The following ACTN3 variants were observed in gnomAD, a reference collection of about 807,000 sequenced individuals.
The protein encoded by ACTN3 is alpha-actinin-3.
In ACTN3, 91 loss-of-function variants were observed where a neutral mutation model predicts 119.6. That is an observed-to-expected ratio of 0.76 (90% CI 0.64 to 0.91). The LOEUF (loss-of-function observed/expected upper bound fraction) is 0.91, where lower values mean the gene tolerates loss of function less well. ACTN3 is among the 40% of genes least tolerant of loss of function. ACTN3 has a pLI of 0.00. For missense variants in ACTN3, 1,221 were observed against 1,215.1 expected, an observed-to-expected ratio of 1.00 and a Z score of -0.07; for synonymous variants, 456 against 478.8, an observed-to-expected ratio of 0.95 and a Z score of 0.62.
intron 3 of ACTN3, among the ~76,000 whole-genome samples, chr11:66,553,730 C>T (rs556469662): frequency 1.5e-4 from 22 of 148,954 alleles, no homozygotes; most frequent in Middle Eastern, 6.9e-3. Context: ...ATTAGCCGGG[C>T]GTGGTGGTGG....
chr11:66,547,097 C>A lies in ACTN3; in HGVS notation c.147+13C>A, dbSNP rs779360169. 12 of 1,493,882 alleles carry A rather than the reference C, an allele frequency of 8.0e-6. No homozygotes were observed. Among genetic ancestry groups the A allele is most frequent in the Non-Finnish European group, 1.1e-5 (12 of 1,124,516 alleles). 92.5% of individuals were successfully genotyped at this position (1,493,882 alleles called of 1,614,324 possible). On this transcript the variant is annotated intron_variant, in intron 1 of 20. Transcript: ENST00000513398. ...GCAGCAGCGGAAAGTGAGTGCTCGC[C>A]CATTTCCTGACAGCAAAACCGAGGC...
chr11:66,553,326 G>A (rs1010218727), intron 3 of ACTN3, among the ~76,000 whole-genome samples: 29 of 151,592 alleles, frequency 1.9e-4, no homozygotes, highest in African/African-American at 6.8e-4. Flanking sequence ...GGCTGAGGTG[G>A]GCAGATCATT....
chr11:66,553,295 T>C (rs969056734), intron 3 of ACTN3, among the ~76,000 whole-genome samples: 3 of 151,646 alleles, frequency 2.0e-5, no homozygotes, highest in African/African-American at 4.9e-5. Flanking sequence ...GGCTCACGAC[T>C]GTAATCCCAG....
Position 66,561,527 on chromosome 11 carries a change from G to A in ACTN3, c.2065G>A (p.Glu689Lys). ...GCAGATGGCTGGGCTACGGCAGCAG[G>A]AGCAGAACATTATCAACTACAAGAC... is the stretch of plus-strand genomic sequence containing the variant. ...EEQMAGLRQQ[E>K]QNIINYKTNI... Residue 689 changes from glutamate (E) to lysine (K), a missense_variant, in exon 17 of 21, where the codon GAG becomes AAG. Physicochemically the swap from Glu to Lys is moderately conservative, Grantham distance 56. This residue lies in a region of ACTN3 where 934 missense variants were observed against 899.9 expected (regional missense o/e 1.04). Transcript: ENST00000513398. 6.2e-7 allele frequency: 1 copy of A among 1,609,364 alleles called. No individual in the cohort carries two copies. Among genetic ancestry groups the A allele is most frequent in the South Asian group, 1.1e-5 (1 of 90,160 alleles).
chr11:66,556,885 C>A (rs1454167697), intron 8 of ACTN3, among the ~76,000 whole-genome samples: 1 of 152,212 alleles, frequency 6.6e-6, no homozygotes, highest in East Asian at 1.9e-4. Flanking sequence ...CTCAGCCTCC[C>A]AGGTAGCTGA....
At chr11:66,556,047 A>G in intron 7 of ACTN3, 98 bp from the exon 8 acceptor site, 3 of 1,125,784 alleles carry the variant, frequency 2.7e-6, no homozygotes, top group Non-Finnish European at 3.8e-6. Flanking sequence ...GCTGGTGGCC[A>G]TGACTGGATG....
At chr11:66,551,749 A>T (rs183027086) in intron 3 of ACTN3, 102 bp downstream of exon 3, 2 of 1,508,016 alleles carry the variant, frequency 1.3e-6, no homozygotes, top group East Asian at 4.8e-5. Flanking sequence ...CAGCAATGAG[A>T]ATAATCCCTG....
chr11:66,553,313 G>A (rs1857515930), intron 3 of ACTN3, among the ~76,000 whole-genome samples: 1 of 151,776 alleles, frequency 6.6e-6, no homozygotes, highest in Non-Finnish European at 1.5e-5. Flanking sequence ...CAGCACTTTG[G>A]GAGGCTGAGG....
chr11:66,562,250 C>G lies in ACTN3; in HGVS notation c.2323-7C>G, dbSNP rs767110458. 6 of 1,613,730 alleles carry G rather than the reference C, an allele frequency of 3.7e-6. No individual in the cohort carries two copies. The highest frequency in any genetic ancestry group is 1.6e-4 in the Middle Eastern group (1 of 6,082). Reference sequence around the variant, plus strand: ...GACCAAGCCTGATAACCACTCACCCCCTACAGAAGCAGAATGGGATGATGG... The same window carrying G: ...GACCAAGCCTGATAACCACTCACCCGCTACAGAAGCAGAATGGGATGATGG... On this transcript the variant is annotated splice_region_variant and splice_polypyrimidine_tract_variant and intron_variant, in intron 18 of 20. Transcript: ENST00000513398.
intron 5 of ACTN3, 38 bp from the exon 6 acceptor site, chr11:66,555,092 T>C (rs1369564117): frequency 1.9e-6 from 3 of 1,607,618 alleles, no homozygotes; most frequent in East Asian, 2.2e-5. Context: ...GGGCCCCAGC[T>C]TGAACCCAGG....
chr11:66,552,165 G>A lies in ACTN3; in HGVS notation c.382+518G>A, dbSNP rs142000945. ...GAGGCTGAGGTGTGGGGCTCACGAGGTCAGGAGATCAAGACCATCCTGGCC... is the reference window on the plus strand; with the variant it reads ...GAGGCTGAGGTGTGGGGCTCACGAGATCAGGAGATCAAGACCATCCTGGCC... On this transcript the variant is annotated intron_variant, in intron 3 of 20. Coordinates refer to ENST00000513398, the MANE Select transcript of ACTN3 (RefSeq NM_001104.4). 1.6e-3 allele frequency among the ~76,000 whole-genome samples: 250 copies of A among 151,968 alleles called. 6 individuals are homozygous for A. The East Asian group carries it at 0.04, about 24-fold the overall frequency.
intron 3 of ACTN3, among the ~76,000 whole-genome samples, chr11:66,552,850 T>C (rs1351178524): frequency 4.0e-5 from 4 of 99,050 alleles, no homozygotes; most frequent in African/African-American, 2.2e-4. Context: ...AGAGAGACTC[T>C]GTCTCTCTCT....
At chr11:66,551,186 C>G in intron 1 of ACTN3, 53 bp from the exon 2 acceptor site, 1 of 1,327,552 alleles carries the variant, frequency 7.5e-7, no homozygotes. Flanking sequence ...AGGACTGTGC[C>G]CTACATCCCC....
In ACTN3 at chr11:66,557,802, G is replaced by T; in HGVS notation, c.1001G>T (p.Arg334Leu). The change falls in exon 10 of 21, where the codon CGG (arginine) becomes CTG (leucine). Residue 334 changes from arginine (R) to leucine (L), a missense_variant. Physicochemically the swap from Arg to Leu is moderately radical, Grantham distance 102. Around this residue, in one of 3 missense-constraint regions of ACTN3, gnomAD observed 934 missense variants for 899.9 expected, o/e 1.04. Transcript: ENST00000513398. Reference sequence around the variant, plus strand: ...AAACTAGAGGACTTTCGGGACTACCGGCGTCTGCACAAGCCGCCCCGCATT... The same window carrying T: ...AAACTAGAGGACTTTCGGGACTACCTGCGTCTGCACAAGCCGCCCCGCATT... ...QRKLEDFRDY[R>L]RLHKPPRIQE... 1.2e-6 allele frequency: 2 copies of T among 1,613,936 alleles called. No individual in the cohort carries two copies. The highest frequency in any genetic ancestry group is 8.5e-7 in the Non-Finnish European group (1 of 1,179,926).
intron 5 of ACTN3, 73 bp downstream of exon 5, chr11:66,554,696 C>A: frequency 1.6e-6 from 2 of 1,258,010 alleles, no homozygotes; most frequent in South Asian, 1.4e-5. Flanking sequence ...CCTCCCTGGT[C>A]AGTGAAGGGC....
chr11:66,560,634 G>A lies in ACTN3; in HGVS notation c.1739G>A (p.Gly580Asp), dbSNP rs1176224987. The A allele has an allele frequency of 1.9e-6, 3 of 1,613,824 alleles. No homozygotes were observed. The highest frequency in any genetic ancestry group is 2.2e-5 in the East Asian group (1 of 44,882). Residue 580 changes from glycine to aspartate, a missense_variant, in exon 15 of 21, where the codon GGT becomes GAT. By Grantham distance (94) the Gly-to-Asp change is moderately conservative. Coordinates refer to ENST00000513398, the MANE Select transcript of ACTN3 (RefSeq NM_001104.4). ...CTGCCCGAGGCTGACCGAGAGCGAG[G>A]TGCCATCATGGGCATCCAGGGTGAG... ...ATLPEADRER[G>D]AIMGIQGEIQ... is the part of the protein sequence containing the mutation.
Position 66,557,746 on chromosome 11 carries a change from G to A in ACTN3, c.945G>A (p.Val315=). The A allele has an allele frequency of 6.2e-7, 1 of 1,613,538 alleles. No individual in the cohort carries two copies. The highest frequency in any genetic ancestry group is 1.1e-5 in the South Asian group (1 of 90,958). ...CTGTCCCATGGCTGGAGAACCGTGT[G>A]GGTGAGCCCAGCATGAGTGCCATGC... ...RRTVPWLENR[V]GEPSMSAMQR... The change falls in exon 10 of 21, where the codon GTG becomes GTA. Residue 315 remains valine, a synonymous_variant. Transcript: ENST00000513398.
chr11:66,555,254 A>G (rs1382033519), intron 6 of ACTN3, 32 bp from the exon 7 acceptor site: 2 of 1,613,726 alleles, frequency 1.2e-6, no homozygotes, highest in African/African-American at 2.7e-5. Flanking sequence ...CCTGCAGCTG[A>G]CCTTTCACCC....
At position 66,557,721 on chromosome 11, in the gene ACTN3, CTGTCCCA is replaced by C; in HGVS notation, c.923_929del (p.Val308GlyfsTer11). 4 of 1,612,824 alleles carry C rather than the reference CTGTCCCA, an allele frequency of 2.5e-6. No homozygotes were observed. The highest frequency in any genetic ancestry group is 3.4e-6 in the Non-Finnish European group (4 of 1,179,496). ...CAGCTGCTGGAGTGGATCCGCCGCA[CTGTCCCA>C]TGGCTGGAGAACCGTGTGGGTGAGC... On this transcript the variant is annotated frameshift_variant, in exon 10 of 21. Coordinates refer to ENST00000513398, the MANE Select transcript of ACTN3 (RefSeq NM_001104.4). LOFTEE classifies it high-confidence loss of function.
Sources: gnomAD v4.1 joint callset for allele counts (sites outside exome capture counted in the v4.1 genomes callset) on GRCh38, gnomAD v4.1.1 for gene constraint, gnomAD v4.1.1 regional missense constraint, MANE v1.5 for transcripts, NCBI Gene and HGNC (gene_info 2026-07-23, HGNC 2026-07-21) for gene names.